CLYBL: variants seen among roughly 807,000 people sequenced by gnomAD.
CLYBL encodes citramalyl-CoA lyase.
Under a neutral mutation model 38.9 loss-of-function variants are expected in CLYBL, and 31 were observed. That is an observed-to-expected ratio of 0.80 (90% CI 0.60 to 1.08). CLYBL has a LOEUF of 1.08. Ranked by LOEUF, CLYBL falls within the 50% of genes least tolerant of loss-of-function variation. The pLI is 0.00. For synonymous variants in CLYBL, 171 were observed against 158.6 expected, an observed-to-expected ratio of 1.08 and a Z score of -0.59; for missense variants, 434 against 411.6, an observed-to-expected ratio of 1.05 and a Z score of -0.47.
chr13:99,902,280 T>C (rs2052652242), intron 8 of CLYBL, among the ~76,000 whole-genome samples: 1 of 152,230 alleles, frequency 6.6e-6, no homozygotes, highest in Non-Finnish European at 1.5e-5. Context: ...TTTTAGGTTA[T>C]AAGAATGTGA....
chr13:99,689,058 T>C (rs1013631510), intron 1 of CLYBL, among the ~76,000 whole-genome samples: 1 of 152,126 alleles, frequency 6.6e-6, no homozygotes, highest in African/African-American at 2.4e-5. Flanking sequence ...ACCCCAAGCA[T>C]CACCCCTCCT....
chr13:99,878,219 A>G (rs1006099502), intron 7 of CLYBL, among the ~76,000 whole-genome samples: 4 of 152,260 alleles, frequency 2.6e-5, no homozygotes, highest in African/African-American at 9.6e-5. Context: ...AGATGTTTCC[A>G]TCAATTATTT....
chr13:99,639,844 C>A (rs2047069468), intron 1 of CLYBL, among the ~76,000 whole-genome samples: 1 of 152,184 alleles, frequency 6.6e-6, no homozygotes, highest in African/African-American at 2.4e-5. Context: ...CTGCAGTGAG[C>A]CATGATTGTA....
At chr13:99,905,704 T>A (rs2052689506) in intron 9 of CLYBL, among the ~76,000 whole-genome samples, 1 of 138,044 alleles carries the variant, frequency 7.2e-6, no homozygotes, top group South Asian at 2.5e-4. Context: ...AAAAAGTGTT[T>A]TTTGGTTGTT....
chr13:99,653,766 G>T (rs897067139), intron 1 of CLYBL, among the ~76,000 whole-genome samples: 3 of 152,014 alleles, frequency 2.0e-5, no homozygotes, highest in South Asian at 2.1e-4. Flanking sequence ...TGTGGTTTTG[G>T]TTCACTTGTT....
At chr13:99,772,262 C>T (rs1481879517) in intron 1 of CLYBL, among the ~76,000 whole-genome samples, 4 of 152,158 alleles carry the variant, frequency 2.6e-5, no homozygotes, top group Non-Finnish European at 5.9e-5. Context: ...TACATACACC[C>T]TCCTCTTTGT....
intron 1 of CLYBL, among the ~76,000 whole-genome samples, chr13:99,674,139 A>ATTT (rs1190139111): frequency 2.7e-5 from 3 of 109,780 alleles, no homozygotes; most frequent in African/African-American, 8.2e-5. Flanking sequence ...AGCTACTAGA[A>ATTT]TTCTTTTTTT....
intron 1 of CLYBL, among the ~76,000 whole-genome samples, chr13:99,716,963 GTATTTT>G (rs2048326273): frequency 1.4e-5 from 2 of 147,544 alleles, no homozygotes; most frequent in Admixed American, 6.8e-5. Context: ...AGCTAATTTT[GTATTTT>G]TAGTAGAGAC....
chr13:99,697,813 A>C (rs925007466), intron 1 of CLYBL, among the ~76,000 whole-genome samples: 1 of 149,250 alleles, frequency 6.7e-6, no homozygotes, highest in African/African-American at 2.5e-5. Context: ...CACCCAGCTA[A>C]TTTTTATATT....
intron 2 of CLYBL, among the ~76,000 whole-genome samples, chr13:99,810,571 G>A (rs1259183394): frequency 6.6e-6 from 1 of 152,188 alleles, no homozygotes; most frequent in Non-Finnish European, 1.5e-5. Flanking sequence ...AGCCTAGAGA[G>A]GAAGGCAGGG....
intron 1 of CLYBL, among the ~76,000 whole-genome samples, chr13:99,662,390 A>G (rs1486768249): frequency 6.6e-6 from 1 of 152,072 alleles, no homozygotes; most frequent in Non-Finnish European, 1.5e-5. Flanking sequence ...CTCTTCTAGT[A>G]TCTCTTTCCT....
At chr13:99,862,718 C>G (rs531917493) in intron 3 of CLYBL, among the ~76,000 whole-genome samples, 109 of 152,274 alleles carry the variant, frequency 7.2e-4, no homozygotes, top group African/African-American at 2.4e-3. Flanking sequence ...CGTTTATACT[C>G]TCTCCTTCCA....
rs777995598 is a variant in CLYBL, at chr13:99,716,773, ATTTCTTTTCT to A, written c.63-56042_63-56033del. On this transcript the variant is annotated intron_variant, in intron 1 of 8. Transcript: ENST00000339105. ...GTGGGAAACTTTCCCTCTTACTTTAATTTCTTTTCTTTTCTTTTTTTTTTTTTTTTTTTTT... is the reference window on the plus strand; with the variant it reads ...GTGGGAAACTTTCCCTCTTACTTTAATTTCTTTTTTTTTTTTTTTTTTTTT... Among the ~76,000 whole-genome samples the A allele has an allele frequency of 3.3e-3, 432 of 130,042 alleles. 1 individual carries two copies. Among genetic ancestry groups the A allele is most frequent in the Non-Finnish European group, 5.4e-3 (329 of 60,782 alleles). The allele number at this position is 130,042 out of a possible 152,430, so 85.3% of individuals were successfully genotyped here. A position where few individuals can be genotyped will look rare whatever the true frequency, so the allele number is the denominator to read the frequency against.
intron 2 of CLYBL, among the ~76,000 whole-genome samples, chr13:99,818,197 C>T (rs747179942): frequency 6.6e-6 from 1 of 152,186 alleles, no homozygotes; most frequent in African/African-American, 2.4e-5. Context: ...TCCTCTTCCT[C>T]CTGGCACACA....
chr13:99,680,304 A>G (rs2047716706), intron 1 of CLYBL, among the ~76,000 whole-genome samples: 2 of 152,336 alleles, frequency 1.3e-5, no homozygotes, highest in South Asian at 2.1e-4. Flanking sequence ...CCACCCTTCC[A>G]TAAAAACGTA....
chr13:99,683,116 C>G (rs11839875), intron 1 of CLYBL, among the ~76,000 whole-genome samples: 9,905 of 151,808 alleles, frequency 0.065, 1,084 homozygotes, highest in African/African-American at 0.23. Context: ...GAGTCTTGCT[C>G]TGTCACCCAG....
intron 2 of CLYBL, among the ~76,000 whole-genome samples, chr13:99,815,122 G>A (rs1234402568): frequency 6.6e-6 from 1 of 152,160 alleles, no homozygotes; most frequent in African/African-American, 2.4e-5. Flanking sequence ...TCTAGGGGAG[G>A]CACTTCAGAA....
At position 99,871,000 on chromosome 13, in the gene CLYBL, GA is replaced by G; in HGVS notation, c.871del (p.Ile291LeufsTer7). On this transcript the variant is annotated frameshift_variant, in exon 7 of 9. Coordinates refer to ENST00000339105, the MANE Select transcript of CLYBL (RefSeq NM_206808.5). LOFTEE classifies it high-confidence loss of function. ...CCAGGAGCAGTTTTCTCCTTCCCCT[GA>G]AAAAATTAAGTGGGCTGAAGAACTG... ...VVQEQFSPSPEKIKWAEELIA... is the reference protein window; with the variant it reads ...VVQEQFSPSPXKIKWAEELIA... 1.2e-6 allele frequency: 2 copies of G among 1,613,710 alleles called. No individual in the cohort carries two copies. Among genetic ancestry groups the G allele is most frequent in the Non-Finnish European group, 1.7e-6 (2 of 1,179,850 alleles).
At position 99,847,303 on chromosome 13, in the gene CLYBL, T is replaced by G. The variant is rs144498323; in HGVS notation, c.250-11558T>G. Among the ~76,000 whole-genome samples the G allele has an allele frequency of 1.1e-3, 175 of 152,326 alleles. 1 individual carries two copies. The highest frequency in any genetic ancestry group is 4.4e-4 in the Non-Finnish European group (30 of 68,026). On this transcript the variant is annotated intron_variant, in intron 2 of 8. Transcript: ENST00000339105. ...AAAAGGCACGTTTTCATCCTCATAATGAAGAAAGCTAGGTACGAGGTCCTT... is the reference window on the plus strand; with the variant it reads ...AAAAGGCACGTTTTCATCCTCATAAGGAAGAAAGCTAGGTACGAGGTCCTT...
Sources: gnomAD v4.1 joint callset for allele counts (sites outside exome capture counted in the v4.1 genomes callset) on GRCh38, gnomAD v4.1.1 for gene constraint, MANE v1.5 for transcripts, NCBI Gene and HGNC (gene_info 2026-07-23, HGNC 2026-07-21) for gene names.